The following CSTF3 variants were observed in gnomAD, a reference collection of about 807,000 sequenced individuals.
The protein encoded by CSTF3 is cleavage stimulation factor subunit 3, also known as CF-1 77 kDa subunit.
A neutral mutation model predicts 105.8 loss-of-function variants in CSTF3; 29 were observed. That is an observed-to-expected ratio of 0.27 (90% CI 0.20 to 0.37). CSTF3 has a LOEUF of 0.37. Ranked by LOEUF, CSTF3 falls within the 10% of genes least tolerant of loss-of-function variation. The pLI is 1.00. For missense variants in CSTF3, 357 were observed against 879.3 expected, an observed-to-expected ratio of 0.41 and a Z score of 7.51; for synonymous variants, 252 against 281.9, an observed-to-expected ratio of 0.89 and a Z score of 1.06.
chr11:33,156,851 A>C (rs188264058), intron 1 of CSTF3: 95 of 345,184 alleles, frequency 2.8e-4, no homozygotes, highest in African/African-American at 1.5e-3. Flanking sequence ...AACTTAATCC[A>C]TTCATTTACT....
At chr11:33,098,830 G>A in intron 12 of CSTF3, 66 bp from the exon 13 acceptor site, 1 of 1,286,916 alleles carries the variant, frequency 7.8e-7, no homozygotes, top group East Asian at 2.5e-5. Flanking sequence ...TGAGCTCCAA[G>A]GAATCCAAAG....
chr11:33,145,342 T>G (rs1478162661), intron 1 of CSTF3, among the ~76,000 whole-genome samples: 2 of 151,874 alleles, frequency 1.3e-5, no homozygotes, highest in Non-Finnish European at 2.9e-5. Flanking sequence ...GAAGCTGAGG[T>G]GGCAGGATCA....
At chr11:33,087,627 A>G (rs1017203326) in intron 17 of CSTF3, among the ~76,000 whole-genome samples, 15 of 152,358 alleles carry the variant, frequency 9.8e-5, no homozygotes, top group African/African-American at 3.6e-4. Flanking sequence ...TTTCCAATGT[A>G]CTATTTATTA....
At chr11:33,138,490 G>A (rs1855678120) in intron 3 of CSTF3, among the ~76,000 whole-genome samples, 1 of 151,730 alleles carries the variant, frequency 6.6e-6, no homozygotes, top group South Asian at 2.1e-4. Context: ...GGCTCTGACT[G>A]GGGCATTCCA....
chr11:33,148,673 G>A (rs1020037009), intron 1 of CSTF3, among the ~76,000 whole-genome samples: 8 of 150,410 alleles, frequency 5.3e-5, no homozygotes, highest in Admixed American at 5.3e-4. Flanking sequence ...TCCAACCTGG[G>A]TGACAGAGGA....
At chr11:33,103,966 G>C (rs1478259176) in intron 8 of CSTF3, among the ~76,000 whole-genome samples, 1 of 152,050 alleles carries the variant, frequency 6.6e-6, no homozygotes, top group Non-Finnish European at 1.5e-5. Context: ...TAGGACTACA[G>C]GTGTGCCCTG....
chr11:33,161,265 G>A lies in CSTF3; in HGVS notation c.27+34C>T, dbSNP rs768102753. The A allele has an allele frequency of 4.3e-6, 7 of 1,611,844 alleles. No homozygotes were observed. The East Asian group carries it at 8.9e-5, about 21-fold the overall frequency. On this transcript the variant is annotated intron_variant, in intron 1 of 20. Transcript: ENST00000323959. Reference sequence around the variant, plus strand: ...TCGGAGGAACAGACGTGGAGAAGAGGTCGCCACGAGGCCCCACCACTCTCC... The same window carrying A: ...TCGGAGGAACAGACGTGGAGAAGAGATCGCCACGAGGCCCCACCACTCTCC...
At chr11:33,087,322 G>A (rs1257548546) in intron 17 of CSTF3, among the ~76,000 whole-genome samples, 181 bp from the exon 18 acceptor site, 1 of 152,168 alleles carries the variant, frequency 6.6e-6, no homozygotes, top group African/African-American at 2.4e-5. Flanking sequence ...AAGCTATTTG[G>A]TTCTAAGACT....
intron 3 of CSTF3, among the ~76,000 whole-genome samples, chr11:33,134,244 T>C (rs538062362): frequency 1.3e-5 from 2 of 152,356 alleles, no homozygotes; most frequent in East Asian, 3.9e-4. Flanking sequence ...AACTGTCAGT[T>C]TGTAAACCCT....
At chr11:33,148,305 G>A (rs1238421054) in intron 1 of CSTF3, among the ~76,000 whole-genome samples, 4 of 152,146 alleles carry the variant, frequency 2.6e-5, no homozygotes, top group East Asian at 1.9e-4. Context: ...TCCAAGCCTC[G>A]CCCTCAATCA....
intron 12 of CSTF3, 29 bp from the exon 13 acceptor site, chr11:33,098,793 A>AT: frequency 7.0e-7 from 1 of 1,421,866 alleles, no homozygotes; most frequent in Non-Finnish European, 9.4e-7. Flanking sequence ...AGTGAGTATC[A>AT]ACATATGGTC....
chr11:33,161,405 A>C lies in CSTF3; in HGVS notation c.-80T>G. The C allele has an allele frequency of 1.3e-6, 2 of 1,513,220 alleles. No homozygotes were observed. The highest frequency in any genetic ancestry group is 1.8e-6 in the Non-Finnish European group (2 of 1,099,718). The allele number at this position is 1,513,220 out of a possible 1,614,324, so 93.7% of individuals were successfully genotyped here. A position where few individuals can be genotyped will look rare whatever the true frequency, so the allele number is the denominator to read the frequency against. ...AAAATTAAACTAAAAACCACCCCCA[A>C]ATCAGTAAAGTTACCCCCTGCCCAG... On this transcript the variant is annotated 5_prime_UTR_variant, in exon 1 of 21. In the 5' UTR this introduces an upstream ATG that the reference lacks. Transcript: ENST00000323959.
chr11:33,094,088 T>C (rs1466414277), intron 15 of CSTF3, among the ~76,000 whole-genome samples: 1 of 152,232 alleles, frequency 6.6e-6, no homozygotes, highest in Non-Finnish European at 1.5e-5. Flanking sequence ...TAACTTAAAT[T>C]ATACTCTCTT....
In CSTF3 at chr11:33,096,230, G is replaced by C. The variant is rs146942545; in HGVS notation, c.1375+76C>G. The C allele has an allele frequency of 2.5e-4, 259 of 1,039,644 alleles. 3 individuals are homozygous for C. In the African/African-American group the frequency reaches 4.1e-3, roughly 16 times the overall value. 64.4% of individuals were successfully genotyped at this position (1,039,644 alleles called of 1,614,324 possible). A position where few individuals can be genotyped will look rare whatever the true frequency, so the allele number is the denominator to read the frequency against. ...TATGTCAAAATTATAATACATTCAA[G>C]AAGGAAGAAATCTAGCAACATAATT... On this transcript the variant is annotated intron_variant, in intron 15 of 20. Coordinates refer to ENST00000323959, the MANE Select transcript of CSTF3 (RefSeq NM_001326.3).
Position 33,161,459 on chromosome 11 carries a change from A to G in CSTF3, c.-134T>C. ...AGCCAGACCGCCAACACCAATCGCC[A>G]CCGCCCACTCAAATATGAATTAAAA... is the stretch of plus-strand genomic sequence containing the variant. On this transcript the variant is annotated 5_prime_UTR_variant, in exon 1 of 21. Coordinates refer to ENST00000323959, the MANE Select transcript of CSTF3 (RefSeq NM_001326.3). The G allele has an allele frequency of 2.4e-6, 2 of 849,100 alleles. No homozygotes were observed. The highest frequency in any genetic ancestry group is 2.9e-5 in the South Asian group (2 of 68,546). 52.6% of individuals were successfully genotyped at this position (849,100 alleles called of 1,614,324 possible). A position where few individuals can be genotyped will look rare whatever the true frequency, so the allele number is the denominator to read the frequency against.
intron 3 of CSTF3, among the ~76,000 whole-genome samples, chr11:33,120,404 A>C (rs1240081777): frequency 6.6e-6 from 1 of 151,876 alleles, no homozygotes; most frequent in Non-Finnish European, 1.5e-5. Flanking sequence ...TAATAAACAC[A>C]TATATTACCC....
At chr11:33,096,463 C>G in intron 14 of CSTF3, 55 bp from the exon 15 acceptor site, 1 of 1,089,242 alleles carries the variant, frequency 9.2e-7, no homozygotes, top group Non-Finnish European at 1.4e-6. Context: ...ATAAAAAACA[C>G]TTGAAAGAAT....
In CSTF3 at chr11:33,161,314, G is replaced by A; in HGVS notation, c.12C>T (p.Asp4=). The A allele has an allele frequency of 6.2e-7, 1 of 1,613,144 alleles. No individual in the cohort carries two copies. Among genetic ancestry groups the A allele is most frequent in the Non-Finnish European group, 8.5e-7 (1 of 1,180,018 alleles). Reference sequence around the variant, plus strand: ...CCTTCCTCACCTGCTCCGTGGCTCCGTCTCCTGACATGGCCTCAGCTGATT... The same window carrying A: ...CCTTCCTCACCTGCTCCGTGGCTCCATCTCCTGACATGGCCTCAGCTGATT... MSG[D]GATEQAAEYV... The change falls in exon 1 of 21, where the codon GAC becomes GAT. Residue 4 remains aspartate (D), a synonymous_variant. Coordinates refer to ENST00000323959, the MANE Select transcript of CSTF3 (RefSeq NM_001326.3).
rs1239488218 is a variant in CSTF3 at position 33,087,083 on chromosome 11, A to AT, written c.1699dup (p.Ile567AsnfsTer8). ...CACTTCATCTTTCAGAACAGGCACT[A>AT]TAGAAGGAGCTACAACTGGGTCCGG... On this transcript the variant is annotated frameshift_variant, in exon 18 of 21. Transcript: ENST00000323959. LOFTEE classifies it high-confidence loss of function. The AT allele has an allele frequency of 2.5e-6, 4 of 1,614,068 alleles. No homozygotes were observed. The Admixed American group carries it at 6.7e-5, about 27-fold the overall frequency.
Sources: allele counts gnomAD v4.1 joint callset (sites outside exome capture counted in the v4.1 genomes callset), GRCh38; gene constraint gnomAD v4.1.1; transcripts MANE v1.5; gene names NCBI Gene and HGNC (gene_info 2026-07-23, HGNC 2026-07-21).